B3GLCT: variants seen among roughly 807,000 people sequenced by gnomAD.
The protein encoded by B3GLCT is beta 3-glucosyltransferase.
A neutral mutation model predicts 63.4 loss-of-function variants in B3GLCT; 65 were observed. The ratio of observed to expected loss-of-function variants is 1.03; its 90% CI spans 0.84 to 1.26. B3GLCT has a LOEUF of 1.26. B3GLCT is among the 50% of genes most tolerant of loss of function. The pLI is 0.00. For synonymous variants in B3GLCT, 233 were observed against 219.2 expected (o/e 1.06, Z -0.55); for missense variants, 577 against 604.8 (o/e 0.95, Z 0.48).
intron 2 of B3GLCT, among the ~76,000 whole-genome samples, chr13:31,215,608 T>A (rs1470233039): frequency 6.6e-6 from 1 of 152,056 alleles, no homozygotes. Context: ...GAGACGGGGT[T>A]TCATCATGTT....
At chr13:31,273,548 T>A (rs542818700) in intron 8 of B3GLCT, among the ~76,000 whole-genome samples, 1 of 152,332 alleles carries the variant, frequency 6.6e-6, no homozygotes, top group East Asian at 1.9e-4. Context: ...GTTTTTTGAG[T>A]CTGATTAAAT....
At chr13:31,326,059 A>AT (rs1447198707) in intron 14 of B3GLCT, among the ~76,000 whole-genome samples, 3 of 152,104 alleles carry the variant, frequency 2.0e-5, no homozygotes, top group African/African-American at 7.2e-5. Context: ...GTGTGCAATG[A>AT]TTGGTGGTTG....
chr13:31,292,072 C>A (rs1279963753), intron 12 of B3GLCT, among the ~76,000 whole-genome samples: 1 of 152,106 alleles, frequency 6.6e-6, no homozygotes, highest in East Asian at 1.9e-4. Context: ...TTGAGATAAT[C>A]ATGTGGTTTT....
intron 12 of B3GLCT, among the ~76,000 whole-genome samples, chr13:31,298,105 C>G (rs144454445): frequency 6.6e-6 from 1 of 152,276 alleles, no homozygotes; most frequent in Non-Finnish European, 1.5e-5. Context: ...CTGAAAGTCC[C>G]AACTCTCTAA....
intron 12 of B3GLCT, among the ~76,000 whole-genome samples, chr13:31,308,461 C>T (rs368275881): frequency 6.6e-6 from 1 of 151,716 alleles, no homozygotes; most frequent in Non-Finnish European, 1.5e-5. Flanking sequence ...CTGGCAGTCC[C>T]CCTTCTCAGG....
In B3GLCT at chr13:31,247,854, GT is replaced by G; in HGVS notation, c.352del (p.Ser118LeufsTer2). The part of the protein sequence containing the change: ...GAWTILPLLP[H>X]FSVTYSRNSS... ...TACTGAAACTTGTTTCTTTTGGTCAGTTTTTCTGTAACATATAGCAGAAATT... is the reference window on the plus strand; with the variant it reads ...TACTGAAACTTGTTTCTTTTGGTCAGTTTTCTGTAACATATAGCAGAAATT... On this transcript the variant is annotated frameshift_variant and splice_region_variant, in exon 6 of 15. Coordinates refer to ENST00000343307, the MANE Select transcript of B3GLCT (RefSeq NM_194318.4). LOFTEE classifies it high-confidence loss of function. 1 of 1,513,424 alleles carries G rather than the reference GT, an allele frequency of 6.6e-7. No homozygotes were observed. Among genetic ancestry groups the G allele is most frequent in the Non-Finnish European group, 9.2e-7 (1 of 1,089,488 alleles). The allele number at this position is 1,513,424 out of a possible 1,614,324, so 93.7% of individuals were successfully genotyped here. A position where few individuals can be genotyped will look rare whatever the true frequency, so the allele number is the denominator to read the frequency against.
intron 14 of B3GLCT, among the ~76,000 whole-genome samples, chr13:31,326,171 G>T (rs911230180): frequency 4.0e-5 from 6 of 150,430 alleles, no homozygotes; most frequent in Admixed American, 2.7e-4. Flanking sequence ...AAAGGCACTT[G>T]TCTAAGGAAA....
At chr13:31,308,876 T>C (rs1288139494) in intron 12 of B3GLCT, among the ~76,000 whole-genome samples, 2 of 152,216 alleles carry the variant, frequency 1.3e-5, no homozygotes, top group African/African-American at 4.8e-5. Context: ...TGGCTGAAGC[T>C]TAGACTCACT....
At chr13:31,224,716 T>C (rs1870004178) in intron 3 of B3GLCT, among the ~76,000 whole-genome samples, 1 of 152,046 alleles carries the variant, frequency 6.6e-6, no homozygotes, top group Non-Finnish European at 1.5e-5. Context: ...GTGGCCCGCT[T>C]TGTGTGTGTG....
chr13:31,291,063 C>T (rs1187688161), intron 12 of B3GLCT, among the ~76,000 whole-genome samples: 1 of 152,106 alleles, frequency 6.6e-6, no homozygotes, highest in East Asian at 1.9e-4. Context: ...CTGCATATGG[C>T]TAGCCAGTTT....
chr13:31,278,354 ACT>A (rs1336832349), intron 10 of B3GLCT, among the ~76,000 whole-genome samples: 3 of 152,072 alleles, frequency 2.0e-5, no homozygotes. Context: ...AGTTTGAGAT[ACT>A]CTTTTTAGAT....
At chr13:31,267,597 G>C (rs1872389383) in intron 7 of B3GLCT, among the ~76,000 whole-genome samples, 1 of 152,152 alleles carries the variant, frequency 6.6e-6, no homozygotes, top group South Asian at 2.1e-4. Flanking sequence ...AGTATTGAGT[G>C]GGAATGTGAC....
At chr13:31,266,374 T>C (rs557357765) in intron 7 of B3GLCT, among the ~76,000 whole-genome samples, 3 of 152,312 alleles carry the variant, frequency 2.0e-5, no homozygotes, top group African/African-American at 7.2e-5. Context: ...CTTCGTGTTT[T>C]CCAGGAACTG....
At chr13:31,222,133 C>T (rs1409191567) in intron 2 of B3GLCT, among the ~76,000 whole-genome samples, 1 of 143,894 alleles carries the variant, frequency 6.9e-6, no homozygotes, top group Non-Finnish European at 1.5e-5. Context: ...GGCTGGAATG[C>T]AGTGACACGA....
intron 10 of B3GLCT, among the ~76,000 whole-genome samples, chr13:31,281,020 T>G (rs1261377344): frequency 6.6e-6 from 1 of 152,202 alleles, no homozygotes; most frequent in African/African-American, 2.4e-5. Flanking sequence ...CCTCTTGGGT[T>G]CTGTGTTTCC....
intron 10 of B3GLCT, among the ~76,000 whole-genome samples, chr13:31,282,676 C>G (rs1467679536): frequency 6.7e-6 from 1 of 150,318 alleles, no homozygotes; most frequent in Admixed American, 6.6e-5. Flanking sequence ...ATGACAGATG[C>G]ATGGAGGTTA....
chr13:31,258,513 A>G (rs1871855062), intron 6 of B3GLCT, among the ~76,000 whole-genome samples: 1 of 152,032 alleles, frequency 6.6e-6, no homozygotes, highest in Non-Finnish European at 1.5e-5. Context: ...GTGGTTTCCC[A>G]TTCCACCTAA....
At chr13:31,274,883 CTGT>C in intron 9 of B3GLCT, among the ~76,000 whole-genome samples, 2 of 152,272 alleles carry the variant, frequency 1.3e-5, no homozygotes, top group East Asian at 3.9e-4. Context: ...TCCCCAGTGT[CTGT>C]TGTTCCTATT....
At chr13:31,202,194 C>T (rs902958445) in intron 1 of B3GLCT, among the ~76,000 whole-genome samples, 3 of 152,138 alleles carry the variant, frequency 2.0e-5, no homozygotes, top group South Asian at 4.1e-4. Flanking sequence ...AGTTTAGTTT[C>T]CCCACAAACT....
Sources: allele counts gnomAD v4.1 joint callset (sites outside exome capture counted in the v4.1 genomes callset), GRCh38; gene constraint gnomAD v4.1.1; transcripts MANE v1.5; gene names NCBI Gene and HGNC (gene_info 2026-07-23, HGNC 2026-07-21).